SURF4: variants seen among roughly 807,000 people sequenced by gnomAD.
SURF4 encodes surfeit 4, also known as surfeit locus protein 4.
A neutral mutation model predicts 30.0 loss-of-function variants in SURF4; 3 were observed. The ratio of observed to expected loss-of-function variants is 0.10; its 90% CI spans 0.05 to 0.26. SURF4 has a LOEUF of 0.26. Ranked by LOEUF, SURF4 falls within the 10% of genes least tolerant of loss-of-function variation. The probability of loss-of-function intolerance (pLI) is 1.00; values close to 1 mark genes in which losing one functional copy is unlikely to be tolerated. For missense variants in SURF4, 217 were observed against 350.8 expected, an observed-to-expected ratio of 0.62 and a Z score of 3.05; for synonymous variants, 143 against 139.9, an observed-to-expected ratio of 1.02 and a Z score of -0.16.
At chr9:133,371,139 C>T (rs2130186480) in intron 1 of SURF4, 2 of 985,404 alleles carry the variant, frequency 2.0e-6, no homozygotes, top group Non-Finnish European at 2.4e-6. Context: ...TTTCTCTTCA[C>T]ACTCAGGACA....
At chr9:133,376,446 G>C, upstream of SURF4, 27 of 1,551,020 alleles carry the variant, frequency 1.7e-5, no homozygotes, top group Non-Finnish European at 2.3e-5. Flanking sequence ...AGGGGTGGAC[G>C]CTCGCCCGTA....
chr9:133,375,390 T>A (rs1433158009), intron 1 of SURF4: 1 of 985,418 alleles, frequency 1.0e-6, no homozygotes, highest in Non-Finnish European at 1.2e-6. Flanking sequence ...CCAGCACATC[T>A]GGGAAAGAGA....
chr9:133,370,228 G>T (rs1485961394), intron 1 of SURF4, among the ~76,000 whole-genome samples: 1 of 152,152 alleles, frequency 6.6e-6, no homozygotes, highest in Non-Finnish European at 1.5e-5. Context: ...TGGGTCAAGA[G>T]GATTAAAGAG....
In SURF4 at chr9:133,362,925, C is replaced by T. The variant is rs1171470353; in HGVS notation, c.*568G>A. On this transcript the variant is annotated 3_prime_UTR_variant, in exon 6 of 6. Coordinates refer to ENST00000371989, the MANE Select transcript of SURF4 (RefSeq NM_033161.4). ...AGCTTCTACCACCCCTTTAATACTGCATCATTCTTTGGGTGTCCCTAAATG... is the reference window on the plus strand; with the variant it reads ...AGCTTCTACCACCCCTTTAATACTGTATCATTCTTTGGGTGTCCCTAAATG... 5.5e-6 allele frequency: 1 copy of T among 181,218 alleles called. No homozygotes were observed. Among genetic ancestry groups the T allele is most frequent in the Non-Finnish European group, 1.2e-5 (1 of 85,030 alleles). 11.2% of individuals were successfully genotyped at this position (181,218 alleles called of 1,614,324 possible).
Position 133,363,883 on chromosome 9 carries a change from G to A in SURF4, c.544-124C>T, listed in dbSNP as rs2130095399. 877 of 1,238,044 alleles carry A rather than the reference G, an allele frequency of 7.1e-4. 4 individuals carry two copies. The East Asian group carries it at 0.012, about 17-fold the overall frequency. 76.7% of individuals were successfully genotyped at this position (1,238,044 alleles called of 1,614,324 possible). ...CCATCAGGCTGATGTAGCTACTGCT[G>A]AGACGGCTGCTGGTGCAAGTAGGGA... On this transcript the variant is annotated intron_variant, in intron 5 of 5. Transcript: ENST00000371989. The surrounding 1 kb of genome is among the most constrained non-coding windows in gnomAD (Gnocchi z 4.3).
upstream of SURF4, chr9:133,376,293 G>A: frequency 7.5e-7 from 1 of 1,337,154 alleles, no homozygotes. Context: ...GTCCCTCCCG[G>A]CCCGGCGGAA....
chr9:133,376,196 C>G (rs1362855482), upstream of SURF4: 4 of 1,272,038 alleles, frequency 3.1e-6, no homozygotes, highest in African/African-American at 1.6e-5. Flanking sequence ...CCCAGCCTCC[C>G]GACCCATCCG....
intron 1 of SURF4, chr9:133,370,989 T>C (rs1389258036): frequency 7.8e-7 from 1 of 1,287,398 alleles, no homozygotes; most frequent in East Asian, 5.6e-5. Flanking sequence ...GATATTTCTC[T>C]CAAAGGGGTG....
At chr9:133,376,482 G>T, upstream of SURF4, 1 of 1,591,466 alleles carries the variant, frequency 6.3e-7, no homozygotes, top group Non-Finnish European at 8.5e-7. Context: ...TCATGCTTGG[G>T]CCAGGGTCCA....
chr9:133,376,073 G>A (rs2130244966), upstream of SURF4: 33 of 1,206,472 alleles, frequency 2.7e-5, no homozygotes, highest in Non-Finnish European at 3.3e-5. Flanking sequence ...CCGGCGGCCG[G>A]CCTCGCTCCG....
chr9:133,369,457 G>C (rs2130169973), intron 1 of SURF4, among the ~76,000 whole-genome samples: 5 of 152,174 alleles, frequency 3.3e-5, no homozygotes, highest in African/African-American at 1.2e-4. Flanking sequence ...GAGGCCACCT[G>C]AACTAATGGT....
intron 1 of SURF4, among the ~76,000 whole-genome samples, chr9:133,371,517 G>A (rs2130190047): frequency 6.6e-6 from 1 of 152,222 alleles, no homozygotes; most frequent in Non-Finnish European, 1.5e-5. Context: ...TAGGAAAGAC[G>A]TAACTGAGAA....
intron 1 of SURF4, among the ~76,000 whole-genome samples, chr9:133,370,647 G>A (rs1326422525): frequency 2.0e-5 from 3 of 152,170 alleles, no homozygotes; most frequent in Non-Finnish European, 4.4e-5. Context: ...CAGCAGAGAA[G>A]AGCCCTCAAC....
chr9:133,373,933 AAAG>A (rs1240924262), intron 1 of SURF4, among the ~76,000 whole-genome samples: 15 of 149,136 alleles, frequency 1.0e-4, no homozygotes, highest in Non-Finnish European at 7.4e-5. Context: ...AAAAAAAAAA[AAAG>A]AAGAAGAAAA....
chr9:133,373,909 C>CAAAAAAAAAAAAAAAAAAAAAAAA (rs71824689), intron 1 of SURF4, among the ~76,000 whole-genome samples: 6 of 47,562 alleles, frequency 1.3e-4, no homozygotes, highest in African/African-American at 1.6e-4. Flanking sequence ...AATTCTGTCT[C>CAAAAAAAAAAAAAAAAAAAAAAAA]AAAAAAAAAA....
upstream of SURF4, chr9:133,376,215 C>T: frequency 7.8e-7 from 1 of 1,281,092 alleles, no homozygotes; most frequent in Middle Eastern, 3.0e-4. Flanking sequence ...CGCTCGAAGC[C>T]ACGCCCGCCG....
chr9:133,369,866 AG>A (rs1323887024), intron 1 of SURF4, among the ~76,000 whole-genome samples: 2 of 151,564 alleles, frequency 1.3e-5, no homozygotes, highest in Non-Finnish European at 2.9e-5. Context: ...ACCACTGGGA[AG>A]GAAGAGCTCA....
At chr9:133,371,116 C>A (rs957499099) in intron 1 of SURF4, 1 of 985,462 alleles carries the variant, frequency 1.0e-6, no homozygotes, top group East Asian at 1.1e-4. Flanking sequence ...CCACGCCACA[C>A]AGAAAACTCC....
chr9:133,372,883 G>A (rs1837585097), intron 1 of SURF4, among the ~76,000 whole-genome samples: 1 of 152,170 alleles, frequency 6.6e-6, no homozygotes, highest in Admixed American at 6.5e-5. Flanking sequence ...TGTCTGATTG[G>A]GGTTTGGGCG....
Sources: gnomAD v4.1 joint callset for allele counts (sites outside exome capture counted in the v4.1 genomes callset) on GRCh38, gnomAD v4.1.1 for gene constraint, Gnocchi (gnomAD v3.1) non-coding constraint, MANE v1.5 for transcripts, NCBI Gene and HGNC (gene_info 2026-07-23, HGNC 2026-07-21) for gene names.